TAS2R1: variants seen among roughly 807,000 people sequenced by gnomAD.
TAS2R1 encodes taste receptor type 2 member 1.
For missense variants in TAS2R1, 370 were observed against 353.4 expected (o/e 1.05, Z -0.38); for synonymous variants, 141 against 134.2 (o/e 1.05, Z -0.35).
chr5:9,662,361 T>G (rs1476117179), intron 1 of TAS2R1, among the ~76,000 whole-genome samples: 3 of 152,172 alleles, frequency 2.0e-5, no homozygotes, highest in Non-Finnish European at 2.9e-5. Flanking sequence ...CCATTACTGC[T>G]CATTCCAAAA....
chr5:9,763,376 G>A, the TAS2R1 span, among the ~76,000 whole-genome samples: 50,601 of 151,928 alleles, frequency 0.33, 9,505 homozygotes, highest in Admixed American at 0.43. Context: ...AGTGGTGCGC[G>A]CCTGTAGTCC....
chr5:9,842,262 T>A, the TAS2R1 span, among the ~76,000 whole-genome samples: 36 of 151,952 alleles, frequency 2.4e-4, no homozygotes, highest in Admixed American at 2.0e-3. Flanking sequence ...GAGCATGTTA[T>A]CTTCCTCCAG....
At chr5:9,694,114 T>C (rs2126520155) in intron 1 of TAS2R1, among the ~76,000 whole-genome samples, 1 of 152,132 alleles carries the variant, frequency 6.6e-6, no homozygotes, top group Non-Finnish European at 1.5e-5. Flanking sequence ...AAACGAAGGT[T>C]TGTAACTAAT....
chr5:9,902,404 C>T, the TAS2R1 span, among the ~76,000 whole-genome samples: 1 of 151,992 alleles, frequency 6.6e-6, no homozygotes, highest in Non-Finnish European at 1.5e-5. Flanking sequence ...CCAAATTTAA[C>T]CCAGCCATGG....
the TAS2R1 span, among the ~76,000 whole-genome samples, chr5:9,895,709 C>A: frequency 6.6e-6 from 1 of 152,228 alleles, no homozygotes; most frequent in Non-Finnish European, 1.5e-5. Flanking sequence ...CCCAGCCCAC[C>A]AATCTTAAAT....
chr5:9,729,252 C>G, the TAS2R1 span, among the ~76,000 whole-genome samples: 7 of 152,166 alleles, frequency 4.6e-5, no homozygotes, highest in African/African-American at 1.4e-4. Context: ...TCTCTCACCC[C>G]CTAGGGGCAG....
At chr5:9,772,125 G>A in the TAS2R1 span, among the ~76,000 whole-genome samples, 4 of 151,758 alleles carry the variant, frequency 2.6e-5, no homozygotes, top group Non-Finnish European at 5.9e-5. Context: ...CTTCTTTCCT[G>A]ATGTAGGCAC....
At chr5:9,643,783 T>C (rs1740131770) in intron 2 of TAS2R1, among the ~76,000 whole-genome samples, 2 of 152,112 alleles carry the variant, frequency 1.3e-5, no homozygotes, top group South Asian at 4.1e-4. Flanking sequence ...AATCACACTG[T>C]AGTGGGGAAG....
At chr5:9,701,826 T>C (rs539024373) in intron 1 of TAS2R1, among the ~76,000 whole-genome samples, 1 of 152,336 alleles carries the variant, frequency 6.6e-6, no homozygotes, top group Non-Finnish European at 1.5e-5. Flanking sequence ...TTTCTTGCAG[T>C]CATATTGTTA....
chr5:9,773,223 T>C, the TAS2R1 span, among the ~76,000 whole-genome samples: 2 of 152,104 alleles, frequency 1.3e-5, no homozygotes, highest in Non-Finnish European at 1.5e-5. Context: ...GCAAATACTA[T>C]CTTAGAACCA....
At chr5:9,737,049 T>C in the TAS2R1 span, among the ~76,000 whole-genome samples, 3 of 152,244 alleles carry the variant, frequency 2.0e-5, 1 homozygote, top group Admixed American at 2.0e-4. Flanking sequence ...CCTTTCTCAT[T>C]GTGCTAAAGT....
the TAS2R1 span, among the ~76,000 whole-genome samples, chr5:9,863,589 G>A: frequency 2.7e-3 from 417 of 152,286 alleles, 6 homozygotes; most frequent in Admixed American, 0.025. Context: ...TTACTGACCT[G>A]AGGCTGCAGA....
intron 1 of TAS2R1, among the ~76,000 whole-genome samples, chr5:9,683,408 C>T (rs1741063974): frequency 6.6e-6 from 1 of 152,126 alleles, no homozygotes; most frequent in Admixed American, 6.6e-5. Flanking sequence ...TATCAACTAC[C>T]ATAATTTTGA....
chr5:9,899,470 C>T, the TAS2R1 span, among the ~76,000 whole-genome samples: 16 of 152,032 alleles, frequency 1.1e-4, no homozygotes, highest in Non-Finnish European at 1.5e-4. Flanking sequence ...AACCCCATCT[C>T]TACTAAAAAT....
the TAS2R1 span, among the ~76,000 whole-genome samples, chr5:9,765,245 C>T: frequency 6.6e-6 from 1 of 152,092 alleles, no homozygotes; most frequent in Non-Finnish European, 1.5e-5. Context: ...AAATCAAGTA[C>T]TCATTGTGAG....
the TAS2R1 span, among the ~76,000 whole-genome samples, chr5:9,875,075 C>A: frequency 2.4e-4 from 36 of 152,278 alleles, 1 homozygote; most frequent in Admixed American, 2.3e-3. Context: ...TAAATAAAAT[C>A]TACTGTGTGC....
chr5:9,834,869 G>A, the TAS2R1 span, among the ~76,000 whole-genome samples: 2 of 152,088 alleles, frequency 1.3e-5, no homozygotes, highest in Non-Finnish European at 2.9e-5. Context: ...TGCTGCACAA[G>A]TTAAGATGCA....
chr5:9,633,119 G>A (rs1739898306), upstream of TAS2R1, among the ~76,000 whole-genome samples: 1 of 151,300 alleles, frequency 6.6e-6, no homozygotes, highest in African/African-American at 2.4e-5. Context: ...AAACAGCATA[G>A]ATTTCCTTGT....
chr5:9,780,537 T>C, the TAS2R1 span, among the ~76,000 whole-genome samples: 4 of 152,340 alleles, frequency 2.6e-5, no homozygotes, highest in South Asian at 8.3e-4. Flanking sequence ...TCTTTCTGCA[T>C]CAACATTAAG....
Sources: allele counts gnomAD v4.1 joint callset (sites outside exome capture counted in the v4.1 genomes callset), GRCh38; gene constraint gnomAD v4.1.1; transcripts MANE v1.5; gene names NCBI Gene and HGNC (gene_info 2026-07-23, HGNC 2026-07-21).